Variants in ACACA observed in about 807,000 individuals in gnomAD.
The protein encoded by ACACA is acetyl-CoA carboxylase 1.
ACACA carries 103 observed loss-of-function variants against 296.1 expected under a neutral mutation model. The ratio of observed to expected loss-of-function variants is 0.35; its 90% CI spans 0.30 to 0.41. The LOEUF is 0.41. ACACA is among the 10% of genes least tolerant of loss of function. The pLI is 1.00. For missense variants in ACACA, 1,554 were observed against 2,989.7 expected (o/e 0.52, Z 11.20); for synonymous variants, 953 against 1,038.6 (o/e 0.92, Z 1.58).
intron 1 of ACACA, chr17:37,359,075 G>A (rs933696825): frequency 2.0e-6 from 2 of 985,790 alleles, no homozygotes; most frequent in African/African-American, 1.7e-5. Flanking sequence ...AGGAGACGCC[G>A]GCGGCTCGGG....
chr17:37,313,374 A>C (rs1457407693), intron 3 of ACACA, among the ~76,000 whole-genome samples: 2 of 152,172 alleles, frequency 1.3e-5, no homozygotes, highest in African/African-American at 4.8e-5. Context: ...ATGAGATATC[A>C]AACTATGGTT....
intron 52 of ACACA, among the ~76,000 whole-genome samples, chr17:37,106,839 C>G (rs1022867820): frequency 6.6e-6 from 1 of 151,472 alleles, no homozygotes; most frequent in Non-Finnish European, 1.5e-5. Context: ...TCCCTCTGGC[C>G]ATACAGAATT....
intron 45 of ACACA, among the ~76,000 whole-genome samples, chr17:37,137,162 G>A (rs1265232697): frequency 2.6e-5 from 4 of 151,946 alleles, no homozygotes; most frequent in Non-Finnish European, 5.9e-5. Context: ...GAATTCTTTT[G>A]GATACCAATC....
intron 11 of ACACA, among the ~76,000 whole-genome samples, chr17:37,261,713 C>A (rs2146265700): frequency 6.6e-6 from 1 of 152,266 alleles, no homozygotes; most frequent in East Asian, 1.9e-4. Context: ...GTAGCAGAAC[C>A]AGGGACAGCC....
In ACACA at chr17:37,087,320, G is replaced by A. The variant is rs762756380; in HGVS notation, c.7148C>T (p.Thr2383Met). 6 of 1,614,040 alleles carry A rather than the reference G, an allele frequency of 3.7e-6. No individual in the cohort carries two copies. Among genetic ancestry groups the A allele is most frequent in the South Asian group, 2.2e-5 (2 of 91,088 alleles). The change falls in exon 56 of 56, where the codon ACG becomes ATG. Residue 2383 changes from threonine (T) to methionine (M), a missense_variant. Physicochemically the swap from Thr to Met is moderately conservative, Grantham distance 81 (BLOSUM62 -1). This residue lies in a region of ACACA where 553 missense variants were observed against 1,043.6 expected (regional missense o/e 0.53). Coordinates refer to ENST00000616317, the MANE Select transcript of ACACA (RefSeq NM_198834.3). ...GGGACAGGCAGGAAGCTCTTCCTAC[G>A]TGGAAGGGGAATCCATTGTGGAGAG... ...RILSTMDSPST is the reference protein window; with the variant it reads ...RILSTMDSPSM
rs1277933227 is a variant in ACACA at position 37,260,286 on chromosome 17, ATATATATATATTTTT to A, written c.1330-771_1330-757del. On this transcript the variant is annotated intron_variant, in intron 11 of 55. Transcript: ENST00000616317. Reference sequence around the variant, plus strand: ...TATATATATATATATATATATATATATATATATATATTTTTTTTTTTTTTTTTTTTGGAGATGGAG... The same window carrying A: ...TATATATATATATATATATATATATATTTTTTTTTTTTTTTGGAGATGGAG... 1.6e-3 allele frequency among the ~76,000 whole-genome samples: 48 copies of A among 30,896 alleles called. 5 individuals are homozygous for A. Among genetic ancestry groups the A allele is most frequent in the African/African-American group, 4.7e-3 (30 of 6,318 alleles). The allele number at this position is 30,896 out of a possible 152,430, so 20.3% of individuals were successfully genotyped here.
intron 52 of ACACA, among the ~76,000 whole-genome samples, chr17:37,098,864 T>C (rs1483180254): frequency 6.6e-6 from 1 of 152,126 alleles, no homozygotes; most frequent in Non-Finnish European, 1.5e-5. Flanking sequence ...CCAGTAGAGG[T>C]GTTGCTATGG....
At chr17:37,255,699 G>A (rs762155853) in intron 14 of ACACA, among the ~76,000 whole-genome samples, 4 of 152,126 alleles carry the variant, frequency 2.6e-5, no homozygotes, top group Admixed American at 6.6e-5. Flanking sequence ...TTTATGTCCC[G>A]TCGAAAAGAA....
At chr17:37,333,309 A>G (rs2047969539) in intron 2 of ACACA, among the ~76,000 whole-genome samples, 1 of 152,138 alleles carries the variant, frequency 6.6e-6, no homozygotes, top group Non-Finnish European at 1.5e-5. Flanking sequence ...ACAGAAACCT[A>G]AAGAGGTGGC....
At chr17:37,256,813 GGATT>G (rs2146186636) in intron 14 of ACACA, among the ~76,000 whole-genome samples, 1 of 151,650 alleles carries the variant, frequency 6.6e-6, no homozygotes, top group African/African-American at 2.4e-5. Flanking sequence ...CCATATATTA[GGATT>G]AATTACTAAT....
At chr17:37,377,763 A>T in intron 1 of ACACA, 1 of 659,500 alleles carries the variant, frequency 1.5e-6, no homozygotes, top group Non-Finnish European at 2.5e-6. Flanking sequence ...ATGAGCAGGA[A>T]CTGCAATCTT....
At chr17:37,115,200 G>A (rs934521374) in intron 50 of ACACA, among the ~76,000 whole-genome samples, 1 of 152,226 alleles carries the variant, frequency 6.6e-6, no homozygotes, top group Admixed American at 6.5e-5. Context: ...CACAACTGCT[G>A]TATGAAGAGC....
rs767611390 is a variant in ACACA, at chr17:37,111,491, G to T, written c.6565+40C>A. 1.0e-5 allele frequency: 15 copies of T among 1,467,040 alleles called. No homozygotes were observed. The Middle Eastern group carries it at 5.2e-4, about 50-fold the overall frequency. The allele number at this position is 1,467,040 out of a possible 1,614,324, so 90.9% of individuals were successfully genotyped here. Reference sequence around the variant, plus strand: ...TGAATGCACTCATTACAAATCAGCTGAATGGCTCATTGATTTGCCAGAAGG... The same window carrying T: ...TGAATGCACTCATTACAAATCAGCTTAATGGCTCATTGATTTGCCAGAAGG... On this transcript the variant is annotated intron_variant, in intron 52 of 55. Coordinates refer to ENST00000616317, the MANE Select transcript of ACACA (RefSeq NM_198834.3).
intron 1 of ACACA, among the ~76,000 whole-genome samples, chr17:37,347,184 T>C (rs1449907144): frequency 6.6e-6 from 1 of 152,140 alleles, no homozygotes; most frequent in Non-Finnish European, 1.5e-5. Context: ...TTCTGATGGT[T>C]TTAAAAACAG....
chr17:37,398,165 G>A (rs2051143339), intron 1 of ACACA, among the ~76,000 whole-genome samples: 1 of 149,242 alleles, frequency 6.7e-6, no homozygotes, highest in Non-Finnish European at 1.5e-5. Flanking sequence ...GGTAGGCGGA[G>A]GTTGTAGTGA....
chr17:37,210,505 C>T lies in ACACA; in HGVS notation c.3684-15G>A, dbSNP rs139063100. ...GGATGTTCCCTCTGTAATTAAACAACCACAGTTAGTTACTGATAAGTTAGT... is the reference window on the plus strand; with the variant it reads ...GGATGTTCCCTCTGTAATTAAACAATCACAGTTAGTTACTGATAAGTTAGT... On this transcript the variant is annotated splice_polypyrimidine_tract_variant and intron_variant, in intron 29 of 55. Coordinates refer to ENST00000616317, the MANE Select transcript of ACACA (RefSeq NM_198834.3). The T allele has an allele frequency of 6.2e-7, 1 of 1,609,988 alleles. No individual in the cohort carries two copies. The highest frequency in any genetic ancestry group is 1.3e-5 in the African/African-American group (1 of 74,790).
intron 45 of ACACA, among the ~76,000 whole-genome samples, chr17:37,146,392 TTTCTC>T (rs909196734): frequency 6.6e-6 from 1 of 151,068 alleles, no homozygotes; most frequent in Non-Finnish European, 1.5e-5. Flanking sequence ...GTGTCAACCT[TTTCTC>T]TTCAAACTGA....
intron 39 of ACACA, among the ~76,000 whole-genome samples, chr17:37,187,504 T>C (rs1238566872): frequency 6.6e-6 from 1 of 152,220 alleles, no homozygotes; most frequent in Non-Finnish European, 1.5e-5. Context: ...ATGTGAACAA[T>C]GGTGAACCAA....
At chr17:37,170,980 T>C (rs1160024641) in intron 41 of ACACA, among the ~76,000 whole-genome samples, 2 of 152,220 alleles carry the variant, frequency 1.3e-5, no homozygotes, top group South Asian at 2.1e-4. Context: ...ACTCTAGCTA[T>C]GCTGTGGGAA....
Sources: gnomAD v4.1 joint callset for allele counts (sites outside exome capture counted in the v4.1 genomes callset) on GRCh38, gnomAD v4.1.1 for gene constraint, gnomAD v4.1.1 regional missense constraint, MANE v1.5 for transcripts, NCBI Gene and HGNC (gene_info 2026-07-23, HGNC 2026-07-21) for gene names.